Variants in SPHKAP observed in about 807,000 individuals in gnomAD.
The protein encoded by SPHKAP is A-kinase anchor protein SPHKAP.
Under a neutral mutation model 137.5 loss-of-function variants are expected in SPHKAP, and 67 were observed. The ratio of observed to expected loss-of-function variants is 0.49; its 90% CI spans 0.40 to 0.60. SPHKAP has a LOEUF of 0.60. Among genes scored for constraint, SPHKAP ranks in the 20% least tolerant of loss-of-function variants. The probability of loss-of-function intolerance (pLI) is 0.00; values close to 1 mark genes in which losing one functional copy is unlikely to be tolerated. For missense variants in SPHKAP, 2,097 were observed against 2,069.3 expected (o/e 1.01, Z -0.26); for synonymous variants, 813 against 785.3 (o/e 1.04, Z -0.59).
chr2:228,041,898 T>C (rs1574790740), intron 3 of SPHKAP, among the ~76,000 whole-genome samples: 1 of 151,946 alleles, frequency 6.6e-6, no homozygotes. Context: ...GTCCTGTGGG[T>C]TGTGAATTGT....
rs755691514 is a variant in SPHKAP at position 228,019,914 on chromosome 2, C to T, written c.940G>A (p.Gly314Arg). The T allele has an allele frequency of 6.2e-7, 1 of 1,614,240 alleles. No homozygotes were observed. The highest frequency in any genetic ancestry group is 8.5e-7 in the Non-Finnish European group (1 of 1,180,028). The stretch of plus-strand genomic sequence containing the variant: ...TAATGTGTGGCTTGTCTCCCATTCC[C>T]CACAGCTTCTCTTTTCCACTGTGAT... ...KPSQWKREAV[G>R]NGRQATHYYH... is the part of the protein sequence containing the mutation. Residue 314 changes from glycine (G) to arginine (R), a missense_variant, in exon 7 of 12, where the codon GGG becomes AGG. Coordinates refer to ENST00000392056, the MANE Select transcript of SPHKAP (RefSeq NM_001142644.2).
intron 1 of SPHKAP, among the ~76,000 whole-genome samples, chr2:228,145,935 C>A (rs1574893055): frequency 1.3e-5 from 2 of 152,194 alleles, no homozygotes; most frequent in East Asian, 3.9e-4. Flanking sequence ...TGGGCCTACT[C>A]CTTTTCATTA....
chr2:227,982,193 C>A, intron 11 of SPHKAP: 1 of 984,716 alleles, frequency 1.0e-6, no homozygotes, highest in East Asian at 1.1e-4. Flanking sequence ...CTCAGTTAGA[C>A]TTTCTGTAAT....
Position 227,981,508 on chromosome 2 carries a change from T to C in SPHKAP, c.*209A>G, listed in dbSNP as rs1386297632. On this transcript the variant is annotated 3_prime_UTR_variant, in exon 12 of 12. Transcript: ENST00000392056. ...CCTTCTAATCCAAGCTCTTTGGAAC[T>C]CACCCACAAGTTGTATGAATTTGGA... 2 of 442,310 alleles carry C rather than the reference T, an allele frequency of 4.5e-6. No individual in the cohort carries two copies. The highest frequency in any genetic ancestry group is 7.6e-6 in the Non-Finnish European group (2 of 263,218). 27.4% of individuals were successfully genotyped at this position (442,310 alleles called of 1,614,324 possible).
chr2:228,116,784 A>G (rs1009981827), intron 2 of SPHKAP, among the ~76,000 whole-genome samples: 2 of 152,162 alleles, frequency 1.3e-5, no homozygotes, highest in Admixed American at 1.3e-4. Flanking sequence ...AACAGTGACT[A>G]AACTCCAATG....
At chr2:228,012,028 C>G (rs2106199417) in intron 7 of SPHKAP, among the ~76,000 whole-genome samples, 1 of 151,766 alleles carries the variant, frequency 6.6e-6, no homozygotes, top group South Asian at 2.1e-4. Flanking sequence ...ATTGGGCAGG[C>G]ATGGTGGTGC....
At position 228,017,475 on chromosome 2, in the gene SPHKAP, C is replaced by G. The variant is rs753808266; in HGVS notation, c.3379G>C (p.Asp1127His). The G allele has an allele frequency of 6.2e-7, 1 of 1,613,640 alleles. No individual in the cohort carries two copies. The highest frequency in any genetic ancestry group is 1.7e-5 in the Admixed American group (1 of 60,004). Reference sequence around the variant, plus strand: ...TTCACCATGAACCTGGAAAACTCATCGGTGATGCTCTCACAGCTCGACTGC... The same window carrying G: ...TTCACCATGAACCTGGAAAACTCATGGGTGATGCTCTCACAGCTCGACTGC... The part of the protein sequence containing the change: ...SKQSSCESIT[D>H]EFSRFMVNQM... Residue 1127 changes from aspartate to histidine, a missense_variant, in exon 7 of 12, where the codon GAT (aspartate) becomes CAT (histidine). Transcript: ENST00000392056.
chr2:227,982,272 A>G, intron 11 of SPHKAP: 1 of 985,304 alleles, frequency 1.0e-6, no homozygotes, highest in South Asian at 4.7e-5. Context: ...GGGTGTGTAA[A>G]TTTAGGCCAA....
intron 4 of SPHKAP, 55 bp downstream of exon 4, chr2:228,027,429 C>A: frequency 6.4e-7 from 1 of 1,554,944 alleles, no homozygotes; most frequent in South Asian, 1.1e-5. Flanking sequence ...CAGATGAAAT[C>A]AAGTTGAATA....
intron 1 of SPHKAP, among the ~76,000 whole-genome samples, chr2:228,154,836 G>T (rs887832538): frequency 6.7e-6 from 1 of 150,148 alleles, no homozygotes; most frequent in Admixed American, 6.7e-5. Context: ...TGGGATTACA[G>T]TCTTGAGCTA....
chr2:228,128,309 T>A (rs1351189416), intron 2 of SPHKAP, among the ~76,000 whole-genome samples: 1 of 152,142 alleles, frequency 6.6e-6, no homozygotes, highest in Non-Finnish European at 1.5e-5. Context: ...TCACTAGGAG[T>A]AGAGTCCATC....
intron 1 of SPHKAP, among the ~76,000 whole-genome samples, chr2:228,154,233 T>A (rs1013943396): frequency 1.3e-5 from 2 of 151,802 alleles, no homozygotes; most frequent in Non-Finnish European, 2.9e-5. Context: ...TTAAAGACAT[T>A]GCACTTACAA....
chr2:228,075,746 A>C lies in SPHKAP; in HGVS notation c.246+33086T>G, dbSNP rs1371840357. Among the ~76,000 whole-genome samples the C allele has an allele frequency of 5.9e-5, 9 of 152,334 alleles. No homozygotes were observed. In the South Asian group the frequency reaches 1.9e-3, roughly 32 times the overall value. Reference sequence around the variant, plus strand: ...TGCAAAACATGTAATTTCTTAGGACACTTTGAGTAGTTAAATTAGAAGCAG... The same window carrying C: ...TGCAAAACATGTAATTTCTTAGGACCCTTTGAGTAGTTAAATTAGAAGCAG... On this transcript the variant is annotated intron_variant, in intron 3 of 11. Coordinates refer to ENST00000392056, the MANE Select transcript of SPHKAP (RefSeq NM_001142644.2).
intron 1 of SPHKAP, among the ~76,000 whole-genome samples, chr2:228,176,478 C>T (rs1288946740): frequency 6.6e-6 from 1 of 152,166 alleles, no homozygotes; most frequent in East Asian, 1.9e-4. Context: ...ATATCCTGGA[C>T]GTCAGCACAT....
At chr2:228,116,611 T>C (rs1698717494) in intron 2 of SPHKAP, among the ~76,000 whole-genome samples, 1 of 152,204 alleles carries the variant, frequency 6.6e-6, no homozygotes, top group African/African-American at 2.4e-5. Flanking sequence ...ACTGAGGACC[T>C]TCTAATCCTG....
rs1401682083 is a variant in SPHKAP, at chr2:228,016,997, C to T, written c.3857G>A (p.Cys1286Tyr). 62 of 1,613,972 alleles carry T rather than the reference C, an allele frequency of 3.8e-5. No individual in the cohort carries two copies. Among genetic ancestry groups the T allele is most frequent in the Admixed American group, 1.3e-4 (8 of 59,994 alleles). ...CCGATACAAGCAAGAGTCAGATTTG[C>T]AGAGACCGGATGAGGACGCGCTACT... ...PVSSASSSGL[C>Y]KSDSCLYRRG... The change falls in exon 7 of 12, where the codon TGC becomes TAC. Residue 1286 changes from cysteine to tyrosine, a missense_variant. By Grantham distance (194) the Cys-to-Tyr change is radical (BLOSUM62 -2). Transcript: ENST00000392056.
chr2:228,023,072 C>T lies in SPHKAP; in HGVS notation c.442-1106G>A, dbSNP rs917750207. On this transcript the variant is annotated intron_variant, in intron 5 of 11. Transcript: ENST00000392056. ...CTAGTCAGACCTGTTAATTCTGTTCCGTTCTAGGGTTACAAACCATATCCT... is the reference window on the plus strand; with the variant it reads ...CTAGTCAGACCTGTTAATTCTGTTCTGTTCTAGGGTTACAAACCATATCCT... 1.1e-4 allele frequency among the ~76,000 whole-genome samples: 17 copies of T among 152,248 alleles called. No homozygotes were observed. In the East Asian group the frequency reaches 1.9e-3, roughly 17 times the overall value.
intron 1 of SPHKAP, 149 bp from the exon 2 acceptor site, chr2:228,132,234 T>C (rs377104466): frequency 3.3e-5 from 24 of 722,394 alleles, no homozygotes; most frequent in Middle Eastern, 3.7e-4. Flanking sequence ...GAAATGGACA[T>C]TTCTTTGTTG....
rs146699459 is a variant in SPHKAP at position 228,094,983 on chromosome 2, T to C, written c.246+13849A>G. Among the ~76,000 whole-genome samples the C allele has an allele frequency of 6.0e-3, 915 of 152,290 alleles. 15 individuals carry two copies. Among genetic ancestry groups the C allele is most frequent in the African/African-American group, 0.021 (858 of 41,570 alleles). On this transcript the variant is annotated intron_variant, in intron 3 of 11. Coordinates refer to ENST00000392056, the MANE Select transcript of SPHKAP (RefSeq NM_001142644.2). ...GGGGCTTTAAGCAACAAAATAGTGA[T>C]GCTGGGGCTGAAAACACATAGCCAG...
Sources: gnomAD v4.1 joint callset for allele counts (sites outside exome capture counted in the v4.1 genomes callset) on GRCh38, gnomAD v4.1.1 for gene constraint, MANE v1.5 for transcripts, NCBI Gene and HGNC (gene_info 2026-07-23, HGNC 2026-07-21) for gene names.